The following KLHL3 variants were observed in gnomAD, a reference collection of about 807,000 sequenced individuals.
The protein encoded by KLHL3 is kelch like family member 3.
KLHL3 carries 19 observed loss-of-function variants against 70.5 expected under a neutral mutation model. The ratio of observed to expected loss-of-function variants is 0.27; its 90% CI spans 0.19 to 0.40. The LOEUF is 0.40. KLHL3 is among the 10% of genes least tolerant of loss of function. KLHL3 has a pLI of 1.00. For missense variants in KLHL3, 512 were observed against 771.1 expected (o/e 0.66, Z 3.98); for synonymous variants, 258 against 290.3 (o/e 0.89, Z 1.13).
Position 137,637,327 on chromosome 5 carries a change from G to A in KLHL3, c.1288C>T (p.Arg430Trp), listed in dbSNP as rs1467261842. The A allele has an allele frequency of 5.6e-6, 9 of 1,613,946 alleles. 1 individual carries two copies. Among genetic ancestry groups the A allele is most frequent in the African/African-American group, 2.7e-5 (2 of 74,924 alleles). The stretch of plus-strand genomic sequence containing the variant: ...ACGCCCACACCCACACTGCTCCGCC[G>A]CGTGTTCATCGGGGCCACAAAGAAC... ...EWFFVAPMNT[R>W]RSSVGVGVVE... Residue 430 changes from arginine (R) to tryptophan (W), a missense_variant, in exon 11 of 15, where the codon CGG becomes TGG. Physicochemically the swap from Arg to Trp is moderately radical, Grantham distance 101. Coordinates refer to ENST00000309755, the MANE Select transcript of KLHL3 (RefSeq NM_017415.3).
intron 5 of KLHL3, among the ~76,000 whole-genome samples, chr5:137,679,426 A>T (rs1751969685): frequency 6.6e-6 from 1 of 152,242 alleles, no homozygotes; most frequent in African/African-American, 2.4e-5. Flanking sequence ...TCTCTGGCCC[A>T]GAGCCACATC....
rs181320607 is a variant in KLHL3, at chr5:137,617,618, G to T, written c.*4480C>A. The T allele has an allele frequency of 1.3e-5, 2 of 152,200 alleles. No individual in the cohort carries two copies. Among genetic ancestry groups the T allele is most frequent in the Non-Finnish European group, 2.9e-5 (2 of 68,038 alleles). 9.4% of individuals were successfully genotyped at this position (152,200 alleles called of 1,614,324 possible). ...TATTGCTGTAACTGATCAAGCATGT[G>T]ACAAGTGTTCTTTTACAAGATATAC... On this transcript the variant is annotated 3_prime_UTR_variant, in exon 15 of 15. Transcript: ENST00000309755.
At chr5:137,633,314 A>G (rs1258850367) in intron 12 of KLHL3, among the ~76,000 whole-genome samples, 6 of 151,768 alleles carry the variant, frequency 4.0e-5, no homozygotes, top group Admixed American at 6.6e-5. Flanking sequence ...TTTAAAAAAA[A>G]AAAGACTTTA....
At chr5:137,720,915 T>C (rs1752984555) in intron 1 of KLHL3, 14 of 1,065,282 alleles carry the variant, frequency 1.3e-5, no homozygotes, top group Non-Finnish European at 1.6e-5. Flanking sequence ...GTTTGTTCAT[T>C]AAACAAGCAT....
At chr5:137,633,972 A>G in intron 12 of KLHL3, 65 bp downstream of exon 12, 1 of 1,608,088 alleles carries the variant, frequency 6.2e-7, no homozygotes. Context: ...AAATAAAACA[A>G]AAAAATTTAA....
chr5:137,670,245 C>T (rs761715984), intron 6 of KLHL3, among the ~76,000 whole-genome samples: 14 of 152,076 alleles, frequency 9.2e-5, no homozygotes, highest in Non-Finnish European at 1.6e-4. Context: ...GTTTCCTAAA[C>T]CAGTAAACCT....
At chr5:137,640,072 T>A in intron 8 of KLHL3, 95 bp from the exon 9 acceptor site, 1 of 1,026,250 alleles carries the variant, frequency 9.7e-7, no homozygotes, top group Non-Finnish European at 1.5e-6. Flanking sequence ...CCAGGGTGTG[T>A]GGATGATCTG....
intron 2 of KLHL3, among the ~76,000 whole-genome samples, chr5:137,719,446 C>T (rs941656931): frequency 6.6e-5 from 10 of 152,204 alleles, no homozygotes; most frequent in Admixed American, 2.0e-4. Context: ...TTACACCTCA[C>T]AACAGGATGA....
At chr5:137,704,509 A>C (rs1752645339) in intron 3 of KLHL3, among the ~76,000 whole-genome samples, 1 of 152,234 alleles carries the variant, frequency 6.6e-6, no homozygotes, top group African/African-American at 2.4e-5. Context: ...CTTAGTAAAG[A>C]GGCCCCCACA....
At chr5:137,683,063 T>TGAG (rs1172857127) in intron 5 of KLHL3, among the ~76,000 whole-genome samples, 2 of 152,062 alleles carry the variant, frequency 1.3e-5, no homozygotes, top group African/African-American at 4.8e-5. Flanking sequence ...GGCCTCAACT[T>TGAG]TCTCTGAGAC....
At chr5:137,718,591 T>C (rs1264087032) in intron 2 of KLHL3, among the ~76,000 whole-genome samples, 1 of 152,226 alleles carries the variant, frequency 6.6e-6, no homozygotes, top group Non-Finnish European at 1.5e-5. Context: ...AGTTCTCCCT[T>C]TCAGGCATCA....
chr5:137,686,805 A>G (rs546855667), intron 5 of KLHL3, among the ~76,000 whole-genome samples: 141 of 152,332 alleles, frequency 9.3e-4, no homozygotes, highest in Admixed American at 2.7e-3. Flanking sequence ...ATACTGCACA[A>G]TCTAACCTTC....
At chr5:137,641,361 G>A (rs1312220823) in intron 8 of KLHL3, among the ~76,000 whole-genome samples, 1 of 152,196 alleles carries the variant, frequency 6.6e-6, no homozygotes, top group Non-Finnish European at 1.5e-5. Context: ...TCCCCAGAGT[G>A]TGATTCAGTG....
At chr5:137,713,585 G>C (rs746357656) in intron 2 of KLHL3, among the ~76,000 whole-genome samples, 4 of 152,096 alleles carry the variant, frequency 2.6e-5, no homozygotes, top group Non-Finnish European at 4.4e-5. Flanking sequence ...ACTCTTAGAA[G>C]AAAACATAGG....
At chr5:137,703,766 C>G (rs1752618633) in intron 3 of KLHL3, among the ~76,000 whole-genome samples, 1 of 152,048 alleles carries the variant, frequency 6.6e-6, no homozygotes, top group Non-Finnish European at 1.5e-5. Flanking sequence ...ACCCGCCCTC[C>G]CTGGAATCTC....
At chr5:137,683,420 T>G (rs1580758079) in intron 5 of KLHL3, among the ~76,000 whole-genome samples, 1 of 151,942 alleles carries the variant, frequency 6.6e-6, no homozygotes, top group Admixed American at 6.6e-5. Flanking sequence ...TTTGGCAGGG[T>G]GAAAAAACAA....
chr5:137,622,424 C>A (rs144925542), intron 14 of KLHL3, among the ~76,000 whole-genome samples: 142 of 152,366 alleles, frequency 9.3e-4, no homozygotes, highest in African/African-American at 3.3e-3. Flanking sequence ...AGCCCTAGCA[C>A]CCAGCCCAAC....
intron 13 of KLHL3, among the ~76,000 whole-genome samples, chr5:137,627,491 T>C (rs1333912725): frequency 1.4e-5 from 1 of 71,966 alleles, no homozygotes; most frequent in Non-Finnish European, 2.9e-5. Flanking sequence ...CCCCCCCCGG[T>C]TTACACTTCC....
At chr5:137,627,998 T>G (rs1452100304) in intron 13 of KLHL3, 1 of 345,208 alleles carries the variant, frequency 2.9e-6, no homozygotes, top group Non-Finnish European at 5.4e-6. Flanking sequence ...CAGCGGGCAC[T>G]GATGGCAACC....
Sources: allele counts gnomAD v4.1 joint callset (sites outside exome capture counted in the v4.1 genomes callset), GRCh38; gene constraint gnomAD v4.1.1; transcripts MANE v1.5; gene names NCBI Gene and HGNC (gene_info 2026-07-23, HGNC 2026-07-21).